The following RGN variants were observed in gnomAD, a reference collection of about 807,000 sequenced individuals.
The protein encoded by RGN is epididymis secretory protein Li 41.
RGN carries 19 observed loss-of-function variants against 20.6 expected under a neutral mutation model. The ratio of observed to expected loss-of-function variants is 0.92; its 90% CI spans 0.64 to 1.35. The LOEUF (loss-of-function observed/expected upper bound fraction) is 1.35. Among genes scored for constraint, RGN ranks in the 40% most tolerant of loss-of-function variants. RGN has a pLI of 0.00. For missense variants in RGN, 302 were observed against 232.7 expected (o/e 1.30, Z -1.94); for synonymous variants, 85 against 87.2 (o/e 0.97, Z 0.14).
chrX:47,081,423 C>A, intron 3 of RGN, 116 bp downstream of exon 3: 1 of 612,352 alleles, frequency 1.6e-6, no homozygotes, highest in Non-Finnish European at 2.6e-6. Context: ...CTGTCTGTCC[C>A]CACTCCATAT....
At chrX:47,079,243 A>G (rs988929546) in intron 1 of RGN, among the ~76,000 whole-genome samples, 1 of 109,982 alleles carries the variant, frequency 9.1e-6, no homozygotes, top group East Asian at 2.9e-4. Flanking sequence ...TACAGGCACG[A>G]GCCACCAGCA....
intron 4 of RGN, 31 bp from the exon 5 acceptor site, chrX:47,089,745 G>A: frequency 5.3e-6 from 6 of 1,128,211 alleles, no homozygotes; most frequent in Non-Finnish European, 7.2e-6. Flanking sequence ...GATGCTATGG[G>A]GCAGAGCTCA....
At position 47,089,870 on chromosome X, in the gene RGN, T is replaced by C. The variant is rs782707703; in HGVS notation, c.441T>C (p.Phe147=). The C allele has an allele frequency of 2.5e-6, 3 of 1,206,260 alleles. No homozygotes were observed. In the African/African-American group the frequency reaches 5.3e-5, roughly 21 times the overall value. Residue 147 remains phenylalanine, a synonymous_variant, in exon 5 of 8, where the codon TTT becomes TTC. Coordinates refer to ENST00000397180, the MANE Select transcript of RGN (RefSeq NM_152869.4). ...LFPDHHVKKY[F]DQVDISNGLD... The stretch of plus-strand genomic sequence containing the variant: ...CTGATCACCACGTGAAAAAGTACTT[T>C]GACCAGGTGGACATTTCCAATGGTT...
At chrX:47,084,714 G>A in intron 4 of RGN, 114 bp downstream of exon 4, 1 of 642,510 alleles carries the variant, frequency 1.6e-6, no homozygotes, top group Non-Finnish European at 2.3e-6. Context: ...CAGCACTTTG[G>A]GAGCCAAGGC....
chrX:47,079,363 T>G lies in RGN; in HGVS notation c.-636+654T>G, dbSNP rs782278777. 1.2e-3 allele frequency among the ~76,000 whole-genome samples: 64 copies of G among 51,236 alleles called. No homozygotes were observed. The South Asian group carries it at 0.027, about 22-fold the overall frequency. 44.5% of individuals were successfully genotyped at this position (51,236 alleles called of 115,157 possible). ...GCTGAGGTTTTTTTGTTTGTTTTTTTTTTTGTTTTGTTTTGGTTTGGTTTG... is the reference window on the plus strand; with the variant it reads ...GCTGAGGTTTTTTTGTTTGTTTTTTGTTTTGTTTTGTTTTGGTTTGGTTTG... On this transcript the variant is annotated intron_variant, in intron 1 of 7. Coordinates refer to ENST00000397180, the MANE Select transcript of RGN (RefSeq NM_152869.4).
chrX:47,086,761 G>GAGAGAGAGAGAGAGAGAGAA (rs2147017524), intron 4 of RGN, among the ~76,000 whole-genome samples: 1 of 105,849 alleles, frequency 9.4e-6, no homozygotes, highest in Admixed American at 1.0e-4. Flanking sequence ...GAGAGAGAGA[G>GAGAGAGAGAGAGAGAGAGAA]AGAGAGAGAG....
chrX:47,091,534 A>G, intron 5 of RGN, 144 bp from the exon 6 acceptor site: 1 of 593,690 alleles, frequency 1.7e-6, no homozygotes, highest in Non-Finnish European at 2.5e-6. Context: ...TGTGGTAAAA[A>G]TCCTTTGTTC....
At chrX:47,081,736 G>A (rs1930333826) in intron 3 of RGN, among the ~76,000 whole-genome samples, 1 of 110,234 alleles carries the variant, frequency 9.1e-6, no homozygotes. Context: ...TTGTAGAGAT[G>A]GTGTTTCACC....
At chrX:47,090,788 G>A (rs1323113603) in intron 5 of RGN, among the ~76,000 whole-genome samples, 5 of 106,263 alleles carry the variant, frequency 4.7e-5, no homozygotes, top group Admixed American at 1.0e-4. Context: ...GCTTGAACCC[G>A]GGAGGCAGGG....
At chrX:47,081,484 T>A (rs191806904) in intron 3 of RGN, among the ~76,000 whole-genome samples, 177 bp downstream of exon 3, 161 of 101,952 alleles carry the variant, frequency 1.6e-3, no homozygotes, top group African/African-American at 5.5e-3. Flanking sequence ...ACTTTCCTCT[T>A]CCTCTTTGAA....
chrX:47,090,915 GGAAAGAAA>G (rs1167092040), intron 5 of RGN, among the ~76,000 whole-genome samples: 3,794 of 51,931 alleles, frequency 0.073, 383 homozygotes, highest in Middle Eastern at 0.095. Context: ...GAAAGAAGAA[GGAAAGAAA>G]GAAAGAAAGA....
intron 3 of RGN, among the ~76,000 whole-genome samples, chrX:47,081,524 G>GTTT (rs1569540009): frequency 1.1e-3 from 54 of 48,723 alleles, no homozygotes; most frequent in African/African-American, 2.6e-3. Flanking sequence ...TTTTTTTTTG[G>GTTT]GGGGGGGGGT....
intron 3 of RGN, 92 bp from the exon 4 acceptor site, chrX:47,084,326 C>T (rs1175115142): frequency 2.5e-5 from 20 of 787,497 alleles, no homozygotes; most frequent in Middle Eastern, 9.0e-4. Flanking sequence ...GAGCTGGGCT[C>T]CCGCTCTAAG....
Position 47,084,427 on chromosome X carries a change from T to C in RGN, c.173T>C (p.Val58Ala). 1 of 1,201,803 alleles carries C rather than the reference T, an allele frequency of 8.3e-7. No individual in the cohort carries two copies. The highest frequency in any genetic ancestry group is 1.1e-6 in the Non-Finnish European group (1 of 890,433). Residue 58 changes from valine to alanine, a missense_variant, in exon 4 of 8, where the codon GTC becomes GCC. Coordinates refer to ENST00000397180, the MANE Select transcript of RGN (RefSeq NM_152869.4). ...QVQRVTMDAP[V>A]SSVALRQSGG... Reference sequence around the variant, plus strand: ...TGCTTTACCTCTACAGATGCCCCAGTCAGCTCCGTGGCTCTTCGCCAGTCG... The same window carrying C: ...TGCTTTACCTCTACAGATGCCCCAGCCAGCTCCGTGGCTCTTCGCCAGTCG...
At chrX:47,081,995 C>G in intron 3 of RGN, among the ~76,000 whole-genome samples, 1 of 112,109 alleles carries the variant, frequency 8.9e-6, no homozygotes, top group Non-Finnish European at 1.9e-5. Flanking sequence ...AAAACAAAAA[C>G]AGGTGCCTCT....
chrX:47,086,989 A>C (rs1438848765), intron 4 of RGN, among the ~76,000 whole-genome samples: 1 of 110,974 alleles, frequency 9.0e-6, no homozygotes, highest in Non-Finnish European at 1.9e-5. Flanking sequence ...AGATACTCTA[A>C]GTCCACACAA....
intron 4 of RGN, among the ~76,000 whole-genome samples, chrX:47,085,927 G>A (rs1285039940): frequency 1.8e-5 from 2 of 112,242 alleles, no homozygotes; most frequent in Non-Finnish European, 3.8e-5. Flanking sequence ...GTTTAGCATT[G>A]ACACAGTCAT....
chrX:47,089,594 T>TACAC (rs1250675972), intron 4 of RGN, among the ~76,000 whole-genome samples, 182 bp from the exon 5 acceptor site: 2 of 41,344 alleles, frequency 4.8e-5, no homozygotes, highest in Non-Finnish European at 7.5e-5. Context: ...TATATATATA[T>TACAC]ATATACACAC....
chrX:47,086,298 T>C (rs1930586278), intron 4 of RGN, among the ~76,000 whole-genome samples: 3 of 111,422 alleles, frequency 2.7e-5, no homozygotes, highest in African/African-American at 9.8e-5. Context: ...AGGTACACGA[T>C]GTCCGTGTGT....
Sources: gnomAD v4.1 joint callset for allele counts (sites outside exome capture counted in the v4.1 genomes callset) on GRCh38, gnomAD v4.1.1 for gene constraint, MANE v1.5 for transcripts, NCBI Gene and HGNC (gene_info 2026-07-23, HGNC 2026-07-21) for gene names.